Variants in NUDT12 observed in about 807,000 individuals in gnomAD.
The protein encoded by NUDT12 is NAD-capped RNA hydrolase NUDT12.
NUDT12 carries 42 observed loss-of-function variants against 45.7 expected under a neutral mutation model. That is an observed-to-expected ratio of 0.92 (90% confidence interval 0.72 to 1.19). The LOEUF is 1.19. NUDT12 is among the 50% of genes most tolerant of loss of function. The pLI, the probability that NUDT12 is intolerant of heterozygous loss-of-function variation, is 0.00. For synonymous variants in NUDT12, 206 were observed against 179.7 expected, an observed-to-expected ratio of 1.15 and a Z score of -1.17; for missense variants, 590 against 533.1, an observed-to-expected ratio of 1.11 and a Z score of -1.05.
Position 103,553,952 on chromosome 5 carries a change from G to T in NUDT12, c.1078+788C>A, listed in dbSNP as rs116819719. Among the ~76,000 whole-genome samples, 418 of 151,980 alleles carry T rather than the reference G, an allele frequency of 2.8e-3. 4 individuals are homozygous for T. Among genetic ancestry groups the T allele is most frequent in the African/African-American group, 9.8e-3 (405 of 41,490 alleles). ...CCCTACCTGCAAAATCACTGTAATA[G>T]TGTATTTTATAAGGTTGTATAAGGA... On this transcript the variant is annotated intron_variant, in intron 5 of 6. Transcript: ENST00000230792.
rs1234206879 is a variant in NUDT12, at chr5:103,550,871, G to A, written c.1379C>T (p.Pro460Leu). 6.2e-7 allele frequency: 1 copy of A among 1,606,672 alleles called. No individual in the cohort carries two copies. Among genetic ancestry groups the A allele is most frequent in the East Asian group, 2.2e-5 (1 of 44,824 alleles). The change falls in exon 7 of 7, where the codon CCT becomes CTT. Residue 460 changes from proline (P) to leucine (L), a missense_variant. Coordinates refer to ENST00000230792, the MANE Select transcript of NUDT12 (RefSeq NM_031438.4). The stretch of plus-strand genomic sequence containing the variant: ...GCTTAGTTCTTAGATTTAGAGATTA[G>A]GATTTATTCTAATCCAGTGTTTGAT... ...QLIKHWIRIN[P>L]NL
intron 4 of NUDT12, among the ~76,000 whole-genome samples, chr5:103,555,209 C>T (rs951591013): frequency 2.6e-5 from 4 of 151,936 alleles, no homozygotes; most frequent in African/African-American, 4.8e-5. Context: ...AATTTTACCA[C>T]GGTAAATAGT....
chr5:103,561,583 T>G (rs1749033895), intron 1 of NUDT12, among the ~76,000 whole-genome samples: 1 of 152,214 alleles, frequency 6.6e-6, no homozygotes, highest in Admixed American at 6.5e-5. Context: ...ATATTGAAAT[T>G]TCTACATACG....
Position 103,556,031 on chromosome 5 carries a change from T to G in NUDT12, c.864A>C (p.Gly288=). ...CACCTTCTTCAATTTTAGTTGCATTTCCACAGGTTGGGCAAAACTTGTATC... is the reference window on the plus strand; with the variant it reads ...CACCTTCTTCAATTTTAGTTGCATTGCCACAGGTTGGGCAAAACTTGTATC... ...HSRYKFCPTC[G]NATKIEEGGY... The change falls in exon 4 of 7, where the codon GGA becomes GGC. Residue 288 remains glycine, a synonymous_variant. Transcript: ENST00000230792. 1 of 1,612,188 alleles carries G rather than the reference T, an allele frequency of 6.2e-7. No homozygotes were observed. The highest frequency in any genetic ancestry group is 1.3e-5 in the African/African-American group (1 of 74,932).
At position 103,552,210 on chromosome 5, in the gene NUDT12, A is replaced by C. The variant is rs573803448; in HGVS notation, c.1278+7T>G. 38 of 1,607,920 alleles carry C rather than the reference A, an allele frequency of 2.4e-5. 1 individual carries two copies. In the South Asian group the frequency reaches 4.1e-4, roughly 17 times the overall value. ...CAATAGAAGAAGGAAATTAAATTGAACTTTACCTGTTCTCTAGTGAACCAG... is the reference window on the plus strand; with the variant it reads ...CAATAGAAGAAGGAAATTAAATTGACCTTTACCTGTTCTCTAGTGAACCAG... On this transcript the variant is annotated splice_region_variant and intron_variant, in intron 6 of 6. Coordinates refer to ENST00000230792, the MANE Select transcript of NUDT12 (RefSeq NM_031438.4).
At chr5:103,559,837 T>C (rs1340180486) in intron 2 of NUDT12, 2 of 546,628 alleles carry the variant, frequency 3.7e-6, no homozygotes, top group Admixed American at 6.8e-5. Context: ...ATAAATTTGC[T>C]TTGCTATAAA....
rs188711555 is a variant in NUDT12 at position 103,558,689 on chromosome 5, C to A, written c.796+190G>T. Among the ~76,000 whole-genome samples the A allele has an allele frequency of 5.3e-3, 804 of 152,154 alleles. 5 individuals are homozygous for A. The highest frequency in any genetic ancestry group is 8.0e-3 in the Non-Finnish European group (543 of 67,976). On this transcript the variant is annotated intron_variant, in intron 3 of 6. Coordinates refer to ENST00000230792, the MANE Select transcript of NUDT12 (RefSeq NM_031438.4). The stretch of plus-strand genomic sequence containing the variant: ...TTAATTCTCAGGAAATCAGTCTGGG[C>A]TGATTAGAACTACTAACTGCCCAGG...
At position 103,559,164 on chromosome 5, in the gene NUDT12, G is replaced by A; in HGVS notation, c.511C>T (p.Gln171Ter). The change falls in exon 3 of 7, where the codon CAG becomes TAG. Residue 171 changes from glutamine to a stop codon, truncating the protein, a stop_gained. Coordinates refer to ENST00000230792, the MANE Select transcript of NUDT12 (RefSeq NM_031438.4). LOFTEE classifies it high-confidence loss of function. ...TLGGNKESFQ[Q>*]PEVRLCQLNY... ...AGCTGACAAAGCCTAACTTCTGGCT[G>A]TTGGAAACTTTCTTTATTGCCACCT... 2 of 1,559,280 alleles carry A rather than the reference G, an allele frequency of 1.3e-6. No homozygotes were observed. The highest frequency in any genetic ancestry group is 2.5e-5 in the South Asian group (2 of 80,054).
intron 1 of NUDT12, among the ~76,000 whole-genome samples, chr5:103,560,576 G>A (rs1241114796): frequency 3.1e-5 from 2 of 64,272 alleles, no homozygotes; most frequent in African/African-American, 1.3e-4. Flanking sequence ...GGGTAGACCA[G>A]AGGGGACTTC....
At chr5:103,557,659 C>A (rs1415129388) in intron 3 of NUDT12, among the ~76,000 whole-genome samples, 1 of 151,948 alleles carries the variant, frequency 6.6e-6, no homozygotes, top group Non-Finnish European at 1.5e-5. Flanking sequence ...TACATTTGAC[C>A]ACTCCCTCCT....
chr5:103,558,716 G>A (rs1170336607), intron 3 of NUDT12, among the ~76,000 whole-genome samples, 163 bp downstream of exon 3: 1 of 152,126 alleles, frequency 6.6e-6, no homozygotes, highest in East Asian at 1.9e-4. Flanking sequence ...CTGCCCAGGA[G>A]AGTAGTCCCC....
intron 1 of NUDT12, among the ~76,000 whole-genome samples, chr5:103,561,060 C>CTT (rs75956704): frequency 2.8e-4 from 37 of 133,392 alleles, no homozygotes; most frequent in Admixed American, 1.2e-3. Flanking sequence ...CTTTTTTTGT[C>CTT]TTTTTTTTTT....
intron 1 of NUDT12, 68 bp from the exon 2 acceptor site, chr5:103,560,322 A>T: frequency 1.1e-6 from 1 of 878,718 alleles, no homozygotes; most frequent in Non-Finnish European, 1.9e-6. Context: ...AACAATATTG[A>T]TAAATAGCAA....
At position 103,559,471 on chromosome 5, in the gene NUDT12, A is replaced by G; in HGVS notation, c.207-3T>C. 1 of 1,400,224 alleles carries G rather than the reference A, an allele frequency of 7.1e-7. No homozygotes were observed. The highest frequency in any genetic ancestry group is 9.4e-7 in the Non-Finnish European group (1 of 1,068,064). The allele number at this position is 1,400,224 out of a possible 1,614,324, so 86.7% of individuals were successfully genotyped here. On this transcript the variant is annotated splice_region_variant and splice_polypyrimidine_tract_variant and intron_variant, in intron 2 of 6. Coordinates refer to ENST00000230792, the MANE Select transcript of NUDT12 (RefSeq NM_031438.4). ...TATTGACAATTGATCTGTCACACCT[A>G]TAGATGGAAGAAAAAATTGGGGAGA...
chr5:103,552,631 C>A (rs41300813), intron 5 of NUDT12, among the ~76,000 whole-genome samples: 1 of 152,062 alleles, frequency 6.6e-6, no homozygotes, highest in African/African-American at 2.4e-5. Context: ...ATAAACTTTT[C>A]GTTTTTTTAA....
rs1255089433 is a variant in NUDT12 at position 103,550,803 on chromosome 5, T to TTGAGGAA, written c.*51_*57dup. The TTGAGGAA allele has an allele frequency of 8.3e-7, 1 of 1,207,948 alleles. No individual in the cohort carries two copies. Among genetic ancestry groups the TTGAGGAA allele is most frequent in the Non-Finnish European group, 1.2e-6 (1 of 816,566 alleles). The allele number at this position is 1,207,948 out of a possible 1,614,324, so 74.8% of individuals were successfully genotyped here. A position where few individuals can be genotyped will look rare whatever the true frequency, so the allele number is the denominator to read the frequency against. The stretch of plus-strand genomic sequence containing the variant: ...AGTACTGAATAATCTCTAATATCAC[T>TTGAGGAA]TGAGGAATGAGTGTTATTAGAAATT... On this transcript the variant is annotated 3_prime_UTR_variant, in exon 7 of 7. Transcript: ENST00000230792.
intron 4 of NUDT12, among the ~76,000 whole-genome samples, chr5:103,555,432 T>C (rs1334072058): frequency 6.6e-6 from 1 of 152,044 alleles, no homozygotes. Flanking sequence ...AAGCCATGTA[T>C]TTTTCTCCCC....
chr5:103,561,243 CAGAA>C (rs1275759083), intron 1 of NUDT12, among the ~76,000 whole-genome samples: 1 of 152,024 alleles, frequency 6.6e-6, no homozygotes, highest in Non-Finnish European at 1.5e-5. Flanking sequence ...GCTAAAAAGA[CAGAA>C]AGGTTATAGC....
chr5:103,557,895 G>A (rs959093733), intron 3 of NUDT12, among the ~76,000 whole-genome samples: 3 of 151,890 alleles, frequency 2.0e-5, no homozygotes, highest in Admixed American at 1.3e-4. Context: ...TGCCATATGG[G>A]TATTTCCAGT....
Sources: gnomAD v4.1 joint callset for allele counts (sites outside exome capture counted in the v4.1 genomes callset) on GRCh38, gnomAD v4.1.1 for gene constraint, MANE v1.5 for transcripts, NCBI Gene and HGNC (gene_info 2026-07-23, HGNC 2026-07-21) for gene names.